The following SNRNP40 variants were observed in gnomAD, a reference collection of about 807,000 sequenced individuals.
SNRNP40 encodes small nuclear ribonucleoprotein U5 subunit 40, also known as U5 small nuclear ribonucleoprotein 40 kDa protein.
A neutral mutation model predicts 45.8 loss-of-function variants in SNRNP40; 21 were observed. That is an observed-to-expected ratio of 0.46 (90% CI 0.32 to 0.66). The LOEUF is 0.66. SNRNP40 is among the 30% of genes least tolerant of loss of function. The pLI is 0.03. For missense variants in SNRNP40, 344 were observed against 439.1 expected (o/e 0.78, Z 1.94); for synonymous variants, 142 against 163.8 (o/e 0.87, Z 1.01).
intron 4 of SNRNP40, among the ~76,000 whole-genome samples, chr1:31,283,529 G>T (rs965506040): frequency 6.6e-6 from 1 of 152,146 alleles, no homozygotes; most frequent in African/African-American, 2.4e-5. Context: ...CTTGAACCCG[G>T]GGAGTGGAGG....
Position 31,267,820 on chromosome 1 carries a change from C to T in SNRNP40, c.920+51G>A, listed in dbSNP as rs189102498. ...GTGCTGGGATTGCAGGCACGAGCCA[C>T]CGCATCCGGCCAGCTACATCATTCT... is the stretch of plus-strand genomic sequence containing the variant. On this transcript the variant is annotated intron_variant, in intron 8 of 9. Coordinates refer to ENST00000263694, the MANE Select transcript of SNRNP40 (RefSeq NM_004814.3). 1.4e-4 allele frequency: 204 copies of T among 1,431,062 alleles called. No individual in the cohort carries two copies. In the East Asian group the frequency reaches 4.4e-3, roughly 31 times the overall value. The allele number at this position is 1,431,062 out of a possible 1,614,324, so 88.6% of individuals were successfully genotyped here.
chr1:31,293,767 A>C (rs1004867738), intron 1 of SNRNP40, among the ~76,000 whole-genome samples: 1 of 151,984 alleles, frequency 6.6e-6, no homozygotes, highest in Non-Finnish European at 1.5e-5. Flanking sequence ...GTTTTTGTGG[A>C]GATGAGGTCT....
At chr1:31,272,162 T>TA (rs994241455) in intron 5 of SNRNP40, among the ~76,000 whole-genome samples, 1 of 152,148 alleles carries the variant, frequency 6.6e-6, no homozygotes, top group African/African-American at 2.4e-5. Context: ...ACATGTCATT[T>TA]AAAAAAGGCA....
Position 31,296,706 on chromosome 1 carries a change from G to C in SNRNP40, c.46C>G (p.Pro16Ala), listed in dbSNP as rs542794425. Residue 16 changes from proline to alanine, a missense_variant, in exon 1 of 10, where the codon CCA (proline) becomes GCA (alanine). By Grantham distance (27) the Pro-to-Ala change is conservative. Coordinates refer to ENST00000263694, the MANE Select transcript of SNRNP40 (RefSeq NM_004814.3). ...KRKGPELPLVPVKRQRHELLL... is the reference protein window; with the variant it reads ...KRKGPELPLVAVKRQRHELLL... Reference sequence around the variant, plus strand: ...AACTCATGCCGCTGCCGCTTGACTGGAACCAGCGGCAACTCTGGGCCCTTA... The same window carrying C: ...AACTCATGCCGCTGCCGCTTGACTGCAACCAGCGGCAACTCTGGGCCCTTA... 3.1e-6 allele frequency: 5 copies of C among 1,613,692 alleles called. No individual in the cohort carries two copies. In the African/African-American group the frequency reaches 4.0e-5, roughly 13 times the overall value.
At chr1:31,284,464 T>TAAAC (rs1038529261) in intron 4 of SNRNP40, among the ~76,000 whole-genome samples, 1 of 152,190 alleles carries the variant, frequency 6.6e-6, no homozygotes, top group Non-Finnish European at 1.5e-5. Context: ...CCCCATCTCT[T>TAAAC]AAACAAACAA....
chr1:31,269,989 G>A (rs1052043984), intron 6 of SNRNP40, among the ~76,000 whole-genome samples: 3 of 152,042 alleles, frequency 2.0e-5, no homozygotes, highest in Admixed American at 6.6e-5. Flanking sequence ...TGCAACCTCC[G>A]CCTCCCAGAT....
intron 3 of SNRNP40, among the ~76,000 whole-genome samples, chr1:31,291,513 C>T (rs1395545643): frequency 6.6e-6 from 1 of 152,112 alleles, no homozygotes; most frequent in South Asian, 2.1e-4. Flanking sequence ...CATGTCTCCA[C>T]AAATGATTTT....
intron 4 of SNRNP40, among the ~76,000 whole-genome samples, chr1:31,285,614 G>T (rs1204011327): frequency 1.3e-5 from 2 of 152,056 alleles, no homozygotes; most frequent in Non-Finnish European, 2.9e-5. Flanking sequence ...TCAAAATCAA[G>T]AAATACAGAT....
At chr1:31,271,611 A>G in intron 5 of SNRNP40, 112 bp from the exon 6 acceptor site, 1 of 1,026,692 alleles carries the variant, frequency 9.7e-7, no homozygotes, top group Non-Finnish European at 1.4e-6. Flanking sequence ...CTCTACTATA[A>G]AACACAGGAT....
Position 31,289,403 on chromosome 1 carries a change from A to C in SNRNP40, c.382T>G (p.Ser128Ala), listed in dbSNP as rs1015859380. Reference sequence around the variant, plus strand: ...CACACAGCCACGGTTTTATCTGTGGATGCTGAGAAAAGCATACTAGAAAGT... The same window carrying C: ...CACACAGCCACGGTTTTATCTGTGGCTGCTGAGAAAAGCATACTAGAAAGT... ...NTDGSMLFSA[S>A]TDKTVAVWDS... The change falls in exon 4 of 10, where the codon TCC becomes GCC. Residue 128 changes from serine to alanine, a missense_variant. Coordinates refer to ENST00000263694, the MANE Select transcript of SNRNP40 (RefSeq NM_004814.3). The C allele has an allele frequency of 4.3e-6, 7 of 1,613,452 alleles. No individual in the cohort carries two copies. Among genetic ancestry groups the C allele is most frequent in the Non-Finnish European group, 5.9e-6 (7 of 1,179,386 alleles).
At chr1:31,286,753 C>G (rs1420570393) in intron 4 of SNRNP40, among the ~76,000 whole-genome samples, 2 of 152,182 alleles carry the variant, frequency 1.3e-5, no homozygotes, top group African/African-American at 4.8e-5. Context: ...GCCTTCCTCA[C>G]TCTCTGACTA....
At chr1:31,285,675 C>G (rs1646052751) in intron 4 of SNRNP40, among the ~76,000 whole-genome samples, 1 of 152,098 alleles carries the variant, frequency 6.6e-6, no homozygotes, top group Admixed American at 6.6e-5. Context: ...ACCAGTTATC[C>G]CAAATGTCTT....
chr1:31,285,305 G>GT lies in SNRNP40; in HGVS notation c.532-3810dup, dbSNP rs1333790821. Among the ~76,000 whole-genome samples the GT allele has an allele frequency of 2.0e-5, 3 of 150,588 alleles. No individual in the cohort carries two copies. In the Admixed American group the frequency reaches 2.0e-4, roughly 10 times the overall value. Reference sequence around the variant, plus strand: ...GTTGCTCATTCTGGAGTGCAGTGGCGTGATCTCCGCTCACTGCAACCTCCA... The same window carrying GT: ...GTTGCTCATTCTGGAGTGCAGTGGCGTTGATCTCCGCTCACTGCAACCTCCA... On this transcript the variant is annotated intron_variant, in intron 4 of 9. Transcript: ENST00000263694.
intron 5 of SNRNP40, among the ~76,000 whole-genome samples, chr1:31,271,862 C>A (rs552111169): frequency 6.6e-6 from 1 of 152,188 alleles, no homozygotes; most frequent in East Asian, 1.9e-4. Context: ...TCTTGAACTC[C>A]CGAGCTCAAG....
intron 8 of SNRNP40, among the ~76,000 whole-genome samples, chr1:31,262,244 G>A (rs1249306748): frequency 1.3e-5 from 2 of 152,124 alleles, no homozygotes; most frequent in South Asian, 2.1e-4. Context: ...TCTAGGCTGG[G>A]AGTGGTGGCT....
At chr1:31,262,673 AAG>A (rs540888020) in intron 8 of SNRNP40, among the ~76,000 whole-genome samples, 1 of 151,980 alleles carries the variant, frequency 6.6e-6, no homozygotes, top group South Asian at 2.1e-4. Context: ...TTCAAAAAAA[AAG>A]AGCTTATTAG....
intron 8 of SNRNP40, among the ~76,000 whole-genome samples, chr1:31,263,931 A>C (rs957673832): frequency 4.0e-5 from 6 of 151,808 alleles, no homozygotes; most frequent in African/African-American, 1.2e-4. Flanking sequence ...AAAAAAAAAA[A>C]AAAAGTTCCT....
intron 4 of SNRNP40, among the ~76,000 whole-genome samples, chr1:31,286,823 G>A (rs1569667502): frequency 6.6e-6 from 1 of 152,260 alleles, no homozygotes; most frequent in East Asian, 1.9e-4. Context: ...CTTGTGCTCT[G>A]ACACTCTACT....
At chr1:31,292,058 A>T in intron 2 of SNRNP40, 52 bp from the exon 3 acceptor site, 3 of 1,237,930 alleles carry the variant, frequency 2.4e-6, no homozygotes, top group African/African-American at 1.5e-5. Context: ...GTACTTATAA[A>T]TTTATCAGAA....
Sources: gnomAD v4.1 joint callset for allele counts (sites outside exome capture counted in the v4.1 genomes callset) on GRCh38, gnomAD v4.1.1 for gene constraint, MANE v1.5 for transcripts, NCBI Gene and HGNC (gene_info 2026-07-23, HGNC 2026-07-21) for gene names.